ENPP3: variants seen among roughly 807,000 people sequenced by gnomAD.
ENPP3 encodes the protein ectonucleotide pyrophosphatase/phosphodiesterase family member 3.
ENPP3 carries 104 observed loss-of-function variants against 117.8 expected under a neutral mutation model. The observed-to-expected ratio is 0.88, with a 90% CI of 0.75 to 1.04. The LOEUF (loss-of-function observed/expected upper bound fraction) is 1.04, where lower values mean the gene tolerates loss of function less well. ENPP3 is among the 50% of genes least tolerant of loss of function. The pLI, the probability that ENPP3 is intolerant of heterozygous loss-of-function variation, is 0.00. For missense variants in ENPP3, 1,026 were observed against 1,051.9 expected (o/e 0.98, Z 0.34); for synonymous variants, 380 against 349.9 (o/e 1.09, Z -0.96).
chr6:131,679,509 C>CTT (rs57631097), intron 11 of ENPP3, among the ~76,000 whole-genome samples: 23 of 132,214 alleles, frequency 1.7e-4, no homozygotes, highest in East Asian at 1.6e-3. Context: ...GTACCATGTC[C>CTT]TTTTTTTTTT....
chr6:131,731,081 T>G (rs941851428), intron 20 of ENPP3, among the ~76,000 whole-genome samples: 5 of 152,198 alleles, frequency 3.3e-5, no homozygotes, highest in Non-Finnish European at 5.9e-5. Context: ...TATTTTGAAA[T>G]CCCAAGAGCT....
At chr6:131,720,692 C>T (rs1779996940) in intron 17 of ENPP3, among the ~76,000 whole-genome samples, 1 of 152,136 alleles carries the variant, frequency 6.6e-6, no homozygotes, top group Admixed American at 6.6e-5. Context: ...AGTTATTCTC[C>T]TGTCTCAGCT....
chr6:131,731,490 T>C (rs909008068), intron 20 of ENPP3, among the ~76,000 whole-genome samples: 1 of 152,238 alleles, frequency 6.6e-6, no homozygotes, highest in Non-Finnish European at 1.5e-5. Flanking sequence ...CATTCAGCAA[T>C]AGAGTTTTGT....
chr6:131,638,376 AC>A (rs914045018), intron 1 of ENPP3: 145 of 312,630 alleles, frequency 4.6e-4, no homozygotes, highest in African/African-American at 2.6e-3. Context: ...GCTTCACTAA[AC>A]CCTATCTAAG....
At position 131,650,064 on chromosome 6, in the gene ENPP3, A is replaced by T; in HGVS notation, c.192A>T (p.Arg64Ser). The change falls in exon 3 of 25, where the codon AGA becomes AGT. Residue 64 changes from arginine (R) to serine (S), a missense_variant. Physicochemically the swap from Arg to Ser is moderately radical, Grantham distance 110. Coordinates refer to ENST00000357639, the MANE Select transcript of ENPP3 (RefSeq NM_005021.5). Reference sequence around the variant, plus strand: ...AGAAGTGCTTTGATGCATCATTTAGAGGACTGGAGAACTGCCGGTGTGATG... The same window carrying T: ...AGAAGTGCTTTGATGCATCATTTAGTGGACTGGAGAACTGCCGGTGTGATG... The part of the protein sequence containing the change: ...CRKKCFDASF[R>S]GLENCRCDVA... 1 of 1,614,066 alleles carries T rather than the reference A, an allele frequency of 6.2e-7. No homozygotes were observed. The highest frequency in any genetic ancestry group is 2.2e-5 in the East Asian group (1 of 44,882).
At chr6:131,679,005 C>CTTG (rs1562446798) in intron 11 of ENPP3, among the ~76,000 whole-genome samples, 11 of 82,844 alleles carry the variant, frequency 1.3e-4, no homozygotes, top group Non-Finnish European at 2.4e-4. Context: ...TTCCTTGCTT[C>CTTG]CTTCCTTCCT....
In ENPP3 at chr6:131,747,148, T is replaced by C; in HGVS notation, c.*192T>C. ...TATGTATTATTTTAAAGTTATATTT[T>C]TCACACAGAGATGATGCTATATTAC... is the stretch of plus-strand genomic sequence containing the variant. On this transcript the variant is annotated 3_prime_UTR_variant, in exon 25 of 25. Coordinates refer to ENST00000357639, the MANE Select transcript of ENPP3 (RefSeq NM_005021.5). 1 of 395,834 alleles carries C rather than the reference T, an allele frequency of 2.5e-6. No homozygotes were observed. The highest frequency in any genetic ancestry group is 2.1e-5 in the African/African-American group (1 of 48,064). 24.5% of individuals were successfully genotyped at this position (395,834 alleles called of 1,614,324 possible). A position where few individuals can be genotyped will look rare whatever the true frequency, so the allele number is the denominator to read the frequency against.
At chr6:131,744,683 C>G (rs1780595731) in intron 24 of ENPP3, among the ~76,000 whole-genome samples, 2 of 151,928 alleles carry the variant, frequency 1.3e-5, no homozygotes, top group African/African-American at 4.8e-5. Flanking sequence ...CTGTAAGTGG[C>G]TAAGGAGAGA....
chr6:131,648,790 T>C (rs952183191), intron 2 of ENPP3, among the ~76,000 whole-genome samples: 1 of 152,198 alleles, frequency 6.6e-6, no homozygotes, highest in African/African-American at 2.4e-5. Flanking sequence ...TCAATGGGAA[T>C]GCATAGCAAG....
intron 6 of ENPP3, among the ~76,000 whole-genome samples, chr6:131,668,364 G>A (rs956046567): frequency 4.0e-5 from 6 of 151,762 alleles, no homozygotes; most frequent in East Asian, 1.9e-4. Flanking sequence ...ACAGGCACGC[G>A]CCACTGCACT....
intron 18 of ENPP3, 100 bp downstream of exon 18, chr6:131,722,505 C>T (rs909886163): frequency 1.6e-5 from 14 of 892,902 alleles, no homozygotes; most frequent in South Asian, 3.2e-5. Context: ...GTTTGTGTTC[C>T]GCCTTGGATA....
chr6:131,726,043 T>C lies in ENPP3; in HGVS notation c.1799-3T>C. 1 of 1,602,212 alleles carries C rather than the reference T, an allele frequency of 6.2e-7. No individual in the cohort carries two copies. The highest frequency in any genetic ancestry group is 2.2e-5 in the East Asian group (1 of 44,802). On this transcript the variant is annotated splice_region_variant and splice_polypyrimidine_tract_variant and intron_variant, in intron 19 of 24. Transcript: ENST00000357639. ...TTTTTATTTTATGTTATTTTAATTT[T>C]AGTAACAGCAACAGTGAAAGTAAAT...
At chr6:131,742,310 T>C (rs1368774978) in intron 24 of ENPP3, among the ~76,000 whole-genome samples, 1 of 152,188 alleles carries the variant, frequency 6.6e-6, no homozygotes, top group Non-Finnish European at 1.5e-5. Context: ...ACTGATACGA[T>C]GTGGTACTCT....
At chr6:131,676,935 C>G (rs1306481707) in intron 10 of ENPP3, 134 bp downstream of exon 10, 1 of 610,556 alleles carries the variant, frequency 1.6e-6, no homozygotes, top group East Asian at 2.8e-5. Context: ...ATAATGGACA[C>G]TTTTCATGAA....
intron 15 of ENPP3, among the ~76,000 whole-genome samples, chr6:131,696,889 C>G (rs1779420056): frequency 6.6e-6 from 1 of 151,784 alleles, no homozygotes; most frequent in African/African-American, 2.4e-5. Context: ...CCTGCCTCAG[C>G]CTCCTGAGTA....
chr6:131,641,114 TA>T (rs953170890), intron 1 of ENPP3, among the ~76,000 whole-genome samples: 10 of 152,022 alleles, frequency 6.6e-5, no homozygotes, highest in African/African-American at 2.4e-4. Context: ...GTGCCTGGTT[TA>T]AAAAAAATGG....
At chr6:131,722,132 G>C in intron 17 of ENPP3, 95 bp from the exon 18 acceptor site, 1 of 815,538 alleles carries the variant, frequency 1.2e-6, no homozygotes, top group South Asian at 1.7e-5. Flanking sequence ...ATTAAAGGGA[G>C]TGAAAGAGTA....
At position 131,672,504 on chromosome 6, in the gene ENPP3, A is replaced by G. The variant is rs1163614547; in HGVS notation, c.642+1177A>G. ...GTGACTTTAAACAAAAACACTCATA[A>G]AAGAAGGTTATGTGTTGATCAGAAG... On this transcript the variant is annotated intron_variant, in intron 7 of 24. Coordinates refer to ENST00000357639, the MANE Select transcript of ENPP3 (RefSeq NM_005021.5). Among the ~76,000 whole-genome samples the G allele has an allele frequency of 9.2e-5, 14 of 152,130 alleles. No homozygotes were observed. In the East Asian group the frequency reaches 2.5e-3, roughly 27 times the overall value.
intron 15 of ENPP3, among the ~76,000 whole-genome samples, chr6:131,696,647 T>C (rs921132934): frequency 3.3e-5 from 5 of 152,068 alleles, no homozygotes; most frequent in Non-Finnish European, 5.9e-5. Flanking sequence ...GGGATTCGTT[T>C]TTTGTGGTTG....
Sources: allele counts gnomAD v4.1 joint callset (sites outside exome capture counted in the v4.1 genomes callset), GRCh38; gene constraint gnomAD v4.1.1; transcripts MANE v1.5; gene names NCBI Gene and HGNC (gene_info 2026-07-23, HGNC 2026-07-21).